The following FBXL3 variants were observed in gnomAD, a reference collection of about 807,000 sequenced individuals.
FBXL3 encodes the protein F-box/LRR-repeat protein 3.
A neutral mutation model predicts 37.9 loss-of-function variants in FBXL3; 14 were observed. That is an observed-to-expected ratio of 0.37 (90% CI 0.24 to 0.58). FBXL3 has a LOEUF of 0.58. FBXL3 is among the 20% of genes least tolerant of loss of function. The pLI is 0.74. For synonymous variants in FBXL3, 194 were observed against 180.1 expected (o/e 1.08, Z -0.62); for missense variants, 327 against 511.1 (o/e 0.64, Z 3.47).
intron 4 of FBXL3, 148 bp from the exon 5 acceptor site, chr13:77,007,936 G>T: frequency 3.4e-6 from 2 of 584,370 alleles, no homozygotes; most frequent in South Asian, 3.6e-5. Flanking sequence ...AATTAGAAGG[G>T]AAGTAACAAA....
intron 4 of FBXL3, among the ~76,000 whole-genome samples, chr13:77,012,361 T>G (rs1566228248): frequency 6.6e-6 from 1 of 152,144 alleles, no homozygotes; most frequent in South Asian, 2.1e-4. Flanking sequence ...TCCTAGGACT[T>G]CCACTTCTTA....
chr13:77,014,706 C>G (rs1051026482), intron 4 of FBXL3: 4 of 152,180 alleles, frequency 2.6e-5, no homozygotes, highest in African/African-American at 9.7e-5. Flanking sequence ...AATAACACAG[C>G]TAAAGGATCA....
rs776331801 is a variant in FBXL3, at chr13:77,015,485, G to C, written c.567C>G (p.Leu189=). The C allele has an allele frequency of 1.9e-6, 3 of 1,608,306 alleles. 1 individual carries two copies. In the South Asian group the frequency reaches 3.3e-5, roughly 18 times the overall value. The change falls in exon 4 of 5, where the codon CTC becomes CTG. Residue 189 remains leucine, a synonymous_variant. Transcript: ENST00000355619. The part of the protein sequence containing the change: ...IDDTPVDDPS[L]KVLVANNSDT... ...CACTATTGTTGGCCACTAGTACTTT[G>C]AGAGATGGATCATCTACTGGAGTAT...
intron 4 of FBXL3, chr13:77,014,341 C>A (rs2034607574): frequency 6.6e-6 from 1 of 152,224 alleles, no homozygotes; most frequent in Non-Finnish European, 1.5e-5. Context: ...CCAGGAAGCA[C>A]AGACTTTACT....
intron 1 of FBXL3, among the ~76,000 whole-genome samples, chr13:77,025,687 C>CCAA (rs2034824489): frequency 1.4e-5 from 1 of 73,966 alleles, no homozygotes; most frequent in Non-Finnish European, 2.4e-5. Context: ...GTCCTTGTCT[C>CCAA]AAAAAAAAAA....
chr13:77,026,836 G>C lies in FBXL3; in HGVS notation c.-11C>G, dbSNP rs1213087464. 6.6e-6 allele frequency: 1 copy of C among 151,002 alleles called. No homozygotes were observed. The highest frequency in any genetic ancestry group is 1.5e-5 in the Non-Finnish European group (1 of 67,740). 9.4% of individuals were successfully genotyped at this position (151,002 alleles called of 1,614,324 possible). On this transcript the variant is annotated 5_prime_UTR_variant, in exon 1 of 5. Coordinates refer to ENST00000355619, the MANE Select transcript of FBXL3 (RefSeq NM_012158.4). Reference sequence around the variant, plus strand: ...GCCCCTCCGCCGTTACCTGCTGCCGGGGGCGGCTTCCCCCACACACCACCC... The same window carrying C: ...GCCCCTCCGCCGTTACCTGCTGCCGCGGGCGGCTTCCCCCACACACCACCC...
rs962627502 is a variant in FBXL3, at chr13:77,005,772, C to T, written c.*1373G>A. 2.0e-5 allele frequency: 3 copies of T among 152,002 alleles called. No individual in the cohort carries two copies. Among genetic ancestry groups the T allele is most frequent in the African/African-American group, 4.8e-5 (2 of 41,420 alleles). The allele number at this position is 152,002 out of a possible 1,614,324, so 9.4% of individuals were successfully genotyped here. A position where few individuals can be genotyped will look rare whatever the true frequency, so the allele number is the denominator to read the frequency against. ...TAAAAGTCACACCACTGAAAAGAGC[C>T]GCTTTAAGAATTAATGTATTCCACC... On this transcript the variant is annotated 3_prime_UTR_variant, in exon 5 of 5. Transcript: ENST00000355619.
In FBXL3 at chr13:77,007,499, G is replaced by C. The variant is rs1044925934; in HGVS notation, c.933C>G (p.Thr311=). The change falls in exon 5 of 5, where the codon ACC becomes ACG. Residue 311 remains threonine (T), a synonymous_variant. Coordinates refer to ENST00000355619, the MANE Select transcript of FBXL3 (RefSeq NM_012158.4). The part of the protein sequence containing the change: ...DPFFRYEIPA[T]HLYFGRSVSK... The stretch of plus-strand genomic sequence containing the variant: ...TTACTGATCTCCCAAAGTACAGATG[G>C]GTGGCAGGTATTTCATAGCGAAAGA... 6.2e-7 allele frequency: 1 copy of C among 1,614,052 alleles called. No individual in the cohort carries two copies. The highest frequency in any genetic ancestry group is 1.3e-5 in the African/African-American group (1 of 74,996).
At chr13:77,016,769 G>T in intron 3 of FBXL3, 1 of 152,162 alleles carries the variant, frequency 6.6e-6, no homozygotes, top group South Asian at 2.0e-4. Context: ...GGCCACAACA[G>T]AACCTCCTGC....
intron 4 of FBXL3, chr13:77,013,867 TTATAC>T (rs1026357824): frequency 3.3e-5 from 5 of 152,206 alleles, no homozygotes; most frequent in East Asian, 3.8e-4. Context: ...TCAAGTAAGC[TTATAC>T]TATACTATCA....
chr13:77,026,418 T>C, intron 1 of FBXL3: 6 of 963,972 alleles, frequency 6.2e-6, no homozygotes, highest in Non-Finnish European at 7.4e-6. Context: ...CAGTGCCTCA[T>C]TGCTCAAGCT....
At chr13:77,013,323 T>G (rs1229034932) in intron 4 of FBXL3, 1 of 152,150 alleles carries the variant, frequency 6.6e-6, no homozygotes, top group East Asian at 1.9e-4. Flanking sequence ...AGACCCCTCC[T>G]TCTTGCCGGG....
intron 4 of FBXL3, chr13:77,010,121 G>C (rs2034522483): frequency 6.6e-6 from 1 of 152,218 alleles, no homozygotes; most frequent in African/African-American, 2.4e-5. Context: ...GGGGCTAGGG[G>C]AGGAATAGCA....
intron 4 of FBXL3, chr13:77,015,179 G>C (rs1346420867): frequency 3.2e-6 from 1 of 313,784 alleles, no homozygotes; most frequent in Non-Finnish European, 5.7e-6. Context: ...TCATTTTCTA[G>C]CATGTGCTAT....
At chr13:77,023,996 G>A (rs1459788121) in intron 1 of FBXL3, among the ~76,000 whole-genome samples, 1 of 152,110 alleles carries the variant, frequency 6.6e-6, no homozygotes, top group Non-Finnish European at 1.5e-5. Flanking sequence ...CCAACTATGT[G>A]AATAAAATAT....
chr13:77,016,428 C>T (rs1470513761), intron 3 of FBXL3: 2 of 152,160 alleles, frequency 1.3e-5, no homozygotes, highest in African/African-American at 2.4e-5. Flanking sequence ...TGGTCTAACA[C>T]ATTCCTCTCT....
chr13:77,023,916 G>A (rs537645801), intron 1 of FBXL3, among the ~76,000 whole-genome samples: 6 of 152,186 alleles, frequency 3.9e-5, no homozygotes, highest in Non-Finnish European at 8.8e-5. Flanking sequence ...TGACCTTAAT[G>A]CCATGAAAGT....
rs1292262347 is a variant in FBXL3 at position 77,005,451 on chromosome 13, ATCCATTTT to A, written c.*1686_*1693del. The A allele has an allele frequency of 7.9e-5, 12 of 152,610 alleles. No homozygotes were observed. The highest frequency in any genetic ancestry group is 7.9e-4 in the Admixed American group (12 of 15,274). The allele number at this position is 152,610 out of a possible 1,614,324, so 9.5% of individuals were successfully genotyped here. A position where few individuals can be genotyped will look rare whatever the true frequency, so the allele number is the denominator to read the frequency against. ...AGTAGAACTGATTATGTACTGTCAA[ATCCATTTT>A]TCCAAAGTTGTTCAAGGAAAAACAA... On this transcript the variant is annotated 3_prime_UTR_variant, in exon 5 of 5. Transcript: ENST00000355619.
At chr13:77,015,753 C>T (rs995216024) in intron 3 of FBXL3, 173 bp from the exon 4 acceptor site, 8 of 396,626 alleles carry the variant, frequency 2.0e-5, no homozygotes, top group African/African-American at 1.2e-4. Context: ...AAATAGGTGA[C>T]TATCTGTCAT....
Sources: gnomAD v4.1 joint callset for allele counts (sites outside exome capture counted in the v4.1 genomes callset) on GRCh38, gnomAD v4.1.1 for gene constraint, MANE v1.5 for transcripts, NCBI Gene and HGNC (gene_info 2026-07-23, HGNC 2026-07-21) for gene names.